The following DUOX2 variants were observed in gnomAD, a reference collection of about 807,000 sequenced individuals.
DUOX2 encodes NADH/NADPH thyroid oxidase p138-tox.
Under a neutral mutation model 183.3 loss-of-function variants are expected in DUOX2, and 185 were observed. The observed-to-expected ratio is 1.01, with a 90% CI of 0.90 to 1.14. DUOX2 has a LOEUF of 1.14. DUOX2 is among the 50% of genes most tolerant of loss of function. DUOX2 has a pLI of 0.00. For missense variants in DUOX2, 1,999 were observed against 2,022.9 expected (o/e 0.99, Z 0.23); for synonymous variants, 788 against 812.4 (o/e 0.97, Z 0.51).
Position 45,108,164 on chromosome 15 carries a change from A to G in DUOX2, c.1457T>C (p.Leu486Pro), listed in dbSNP as rs1365870866. 11 of 1,614,060 alleles carry G rather than the reference A, an allele frequency of 6.8e-6. No individual in the cohort carries two copies. The highest frequency in any genetic ancestry group is 9.3e-6 in the Non-Finnish European group (11 of 1,180,020). Residue 486 changes from leucine (L) to proline (P), a missense_variant, in exon 13 of 34, where the codon CTT becomes CCT. Physicochemically the swap from Leu to Pro is moderately conservative, Grantham distance 98. Coordinates refer to ENST00000389039, the MANE Select transcript of DUOX2 (RefSeq NM_001363711.2). ...CCCATGGCTCTCCAGGAGCCCCCCA[A>G]GGAGCAGCTCTAGCTGGGATAGGTC... Reference protein sequence around the residue: ...NQDLSQLELLLGGLLESHGDP... With the variant: ...NQDLSQLELLPGGLLESHGDP...
In DUOX2 at chr15:45,104,236, T is replaced by A. The variant is rs143972092; in HGVS notation, c.2464A>T (p.Met822Leu). ...AESLGLKPQD[M>L]FVESMFSLAD... The stretch of plus-strand genomic sequence containing the variant: ...AGAGAGAACATGGACTCCACAAACA[T>A]GTCCTGGGGCTTGAGGCCCAGGGAC... Residue 822 changes from methionine to leucine, a missense_variant, in exon 19 of 34, where the codon ATG becomes TTG. Coordinates refer to ENST00000389039, the MANE Select transcript of DUOX2 (RefSeq NM_001363711.2). 8 of 1,614,066 alleles carry A rather than the reference T, an allele frequency of 5.0e-6. No homozygotes were observed. Among genetic ancestry groups the A allele is most frequent in the South Asian group, 2.2e-5 (2 of 91,062 alleles).
chr15:45,108,760 C>T (rs779262960), intron 12 of DUOX2, 29 bp downstream of exon 12: 39 of 1,612,394 alleles, frequency 2.4e-5, no homozygotes, highest in Non-Finnish European at 3.3e-5. Flanking sequence ...AAAGCTTTAG[C>T]TGCCATTATT....
chr15:45,101,770 C>T (rs754420421), intron 21 of DUOX2, 23 bp downstream of exon 21: 42 of 1,614,222 alleles, frequency 2.6e-5, no homozygotes, highest in Non-Finnish European at 3.4e-5. Context: ...CTCCCTGACG[C>T]CAACCATTCC....
chr15:45,109,099 G>A (rs1046444850), intron 11 of DUOX2, 147 bp from the exon 12 acceptor site: 2 of 1,100,752 alleles, frequency 1.8e-6, no homozygotes, highest in East Asian at 2.6e-5. Flanking sequence ...TGCTGACCTT[G>A]CCTTGCTGCA....
Position 45,096,007 on chromosome 15 carries a change from G to T in DUOX2, c.3901C>A (p.Gln1301Lys), listed in dbSNP as rs768210021. The change falls in exon 30 of 34, where the codon CAG (glutamine) becomes AAG (lysine). Residue 1301 changes from glutamine to lysine, a missense_variant. By Grantham distance (53) the Gln-to-Lys change is moderately conservative. This residue lies in a region of DUOX2 where 1,628 missense variants were observed against 1,608.6 expected (regional missense o/e 1.01). Coordinates refer to ENST00000389039, the MANE Select transcript of DUOX2 (RefSeq NM_001363711.2). ...GCCAGGCAGGCGATCCGCACCCACTGTCCTGACTTGTACTCAAAGCCTTGG... is the reference window on the plus strand; with the variant it reads ...GCCAGGCAGGCGATCCGCACCCACTTTCCTGACTTGTACTCAAAGCCTTGG... ...RPQGFEYKSG[Q>K]WVRIACLALG... 8 of 1,614,142 alleles carry T rather than the reference G, an allele frequency of 5.0e-6. No homozygotes were observed. The highest frequency in any genetic ancestry group is 6.8e-6 in the Non-Finnish European group (8 of 1,180,008).
At chr15:45,102,200 A>G (rs1248606770) in intron 20 of DUOX2, among the ~76,000 whole-genome samples, 2 of 152,220 alleles carry the variant, frequency 1.3e-5, no homozygotes, top group Non-Finnish European at 2.9e-5. Context: ...AGTGACCTTG[A>G]CCAATCAGAG....
In DUOX2 at chr15:45,095,893, A is replaced by C. The variant is rs1893887575; in HGVS notation, c.4015T>G (p.Trp1339Gly). Residue 1339 changes from tryptophan to glycine, a missense_variant, in exon 30 of 34, where the codon TGG becomes GGG. This residue lies in a region of DUOX2 where 1,628 missense variants were observed against 1,608.6 expected (regional missense o/e 1.01). Transcript: ENST00000389039. Reference sequence around the variant, plus strand: ...TAGATCTCCCTGAGGCGAGTGGTCCAGGGCCCCACTGCCCGGATGTGCAGG... The same window carrying C: ...TAGATCTCCCTGAGGCGAGTGGTCCCGGGCCCCACTGCCCGGATGTGCAGG... The part of the protein sequence containing the change: ...LSLHIRAVGP[W>G]TTRLREIYSS... 1 of 1,611,848 alleles carries C rather than the reference A, an allele frequency of 6.2e-7. No individual in the cohort carries two copies. Among genetic ancestry groups the C allele is most frequent in the Non-Finnish European group, 8.5e-7 (1 of 1,179,198 alleles).
Position 45,104,304 on chromosome 15 carries a change from C to T in DUOX2, c.2396G>A (p.Arg799Gln), listed in dbSNP as rs762753633. The change falls in exon 19 of 34, where the codon CGG becomes CAG. Residue 799 changes from arginine (R) to glutamine (Q), a missense_variant. Arg to Gln is a conservative substitution (Grantham distance 43). This residue lies in a region of DUOX2 where 1,628 missense variants were observed against 1,608.6 expected (regional missense o/e 1.01). Transcript: ENST00000389039. ...GCTCAGCTCGCAGGTCAGGGCCTCCCGCACCTTCTGGGAGGAGTCCAGGGG... is the reference window on the plus strand; with the variant it reads ...GCTCAGCTCGCAGGTCAGGGCCTCCTGCACCTTCTGGGAGGAGTCCAGGGG... Reference protein sequence around the residue: ...TLPLDSSQKVREALTCELSRA... With the variant: ...TLPLDSSQKVQEALTCELSRA... The T allele has an allele frequency of 2.9e-5, 47 of 1,613,934 alleles. No homozygotes were observed. Among genetic ancestry groups the T allele is most frequent in the South Asian group, 7.7e-5 (7 of 91,064 alleles).
In DUOX2 at chr15:45,100,197, C is replaced by G; in HGVS notation, c.3037G>C (p.Glu1013Gln). The change falls in exon 24 of 34, where the codon GAG (glutamate) becomes CAG (glutamine). Residue 1013 changes from glutamate to glutamine, a missense_variant. Around this residue, in one of 3 missense-constraint regions of DUOX2, gnomAD observed 1,628 missense variants for 1,608.6 expected, o/e 1.01. Coordinates refer to ENST00000389039, the MANE Select transcript of DUOX2 (RefSeq NM_001363711.2). Reference protein sequence around the residue: ...AAVPTPRLYTEALQEKMQRGF... With the variant: ...AAVPTPRLYTQALQEKMQRGF... Reference sequence around the variant, plus strand: ...CGCTGCATCTTCTCTTGCAGCGCCTCTGTGTACAGCCGGGGAGTGGGCACT... The same window carrying G: ...CGCTGCATCTTCTCTTGCAGCGCCTGTGTGTACAGCCGGGGAGTGGGCACT... 1 of 1,614,064 alleles carries G rather than the reference C, an allele frequency of 6.2e-7. No individual in the cohort carries two copies. Among genetic ancestry groups the G allele is most frequent in the Non-Finnish European group, 8.5e-7 (1 of 1,180,020 alleles).
Position 45,097,281 on chromosome 15 carries a change from C to T in DUOX2, c.3804G>A (p.Lys1268=). ...GGDKLVSLSR[K]KVEISVVKAE... Reference sequence around the variant, plus strand: ...CCTTCACCACGCTGATCTCCACCTTCTTCCGGCTCAGGCTCACCAGCTTGT... The same window carrying T: ...CCTTCACCACGCTGATCTCCACCTTTTTCCGGCTCAGGCTCACCAGCTTGT... The change falls in exon 29 of 34, where the codon AAG becomes AAA. Residue 1268 remains lysine (K), a synonymous_variant. Coordinates refer to ENST00000389039, the MANE Select transcript of DUOX2 (RefSeq NM_001363711.2). The T allele has an allele frequency of 6.2e-7, 1 of 1,614,272 alleles. No individual in the cohort carries two copies.
chr15:45,099,831 C>G lies in DUOX2; in HGVS notation c.3246G>C (p.Leu1082=). ...AGACGCTGGCCGCCGTGCCTCGTGA[C>G]AGGATGATGCCCACGAGGGTGGTCT... The part of the protein sequence containing the change: ...IAQTTLVGII[L]SRGTAASVSF... The change falls in exon 25 of 34, where the codon CTG becomes CTC. Residue 1082 remains leucine, a synonymous_variant. Coordinates refer to ENST00000389039, the MANE Select transcript of DUOX2 (RefSeq NM_001363711.2). 1.9e-6 allele frequency: 3 copies of G among 1,614,202 alleles called. No homozygotes were observed. The highest frequency in any genetic ancestry group is 2.5e-6 in the Non-Finnish European group (3 of 1,180,046).
chr15:45,099,727 T>C lies in DUOX2; in HGVS notation c.3350A>G (p.Tyr1117Cys). 2 of 1,614,148 alleles carry C rather than the reference T, an allele frequency of 1.2e-6. No homozygotes were observed. Among genetic ancestry groups the C allele is most frequent in the African/African-American group, 1.3e-5 (1 of 75,016 alleles). Reference protein sequence around the residue: ...TFLRETFLNRYVPFDAAVDFH... With the variant: ...TFLRETFLNRCVPFDAAVDFH... ...GTCCACTGCGGCATCAAAAGGCACA[T>C]AGCGGTTGAGGAAAGTCTCTCGCAG... Residue 1117 changes from tyrosine to cysteine, a missense_variant, in exon 25 of 34, where the codon TAT becomes TGT. Physicochemically the swap from Tyr to Cys is radical, Grantham distance 194 (BLOSUM62 -2). Around this residue, in one of 3 missense-constraint regions of DUOX2, gnomAD observed 1,628 missense variants for 1,608.6 expected, o/e 1.01. Coordinates refer to ENST00000389039, the MANE Select transcript of DUOX2 (RefSeq NM_001363711.2).
At chr15:45,100,325 T>A in intron 23 of DUOX2, 97 bp from the exon 24 acceptor site, 1 of 1,229,754 alleles carries the variant, frequency 8.1e-7, no homozygotes, top group African/African-American at 1.5e-5. Context: ...CTGGCAGGCA[T>A]CAGGATGGGC....
intron 26 of DUOX2, 109 bp from the exon 27 acceptor site, chr15:45,098,167 G>A (rs1893958917): frequency 2.8e-6 from 3 of 1,076,316 alleles, no homozygotes; most frequent in Non-Finnish European, 4.2e-6. Context: ...GAGGGTATGG[G>A]GCCTCCACCC....
chr15:45,111,659 G>A, intron 5 of DUOX2, 74 bp from the exon 6 acceptor site: 1 of 1,445,542 alleles, frequency 6.9e-7, no homozygotes. Flanking sequence ...CCCGGCGGGT[G>A]TCCGCGGCTG....
At position 45,109,545 on chromosome 15, in the gene DUOX2, T is replaced by C; in HGVS notation, c.1213A>G (p.Ile405Val). 6.2e-7 allele frequency: 1 copy of C among 1,614,100 alleles called. No homozygotes were observed. Among genetic ancestry groups the C allele is most frequent in the Non-Finnish European group, 8.5e-7 (1 of 1,180,020 alleles). Residue 405 changes from isoleucine (I) to valine (V), a missense_variant, in exon 11 of 34, where the codon ATA becomes GTA. Physicochemically the swap from Ile to Val is conservative, Grantham distance 29 (BLOSUM62 3). Around this residue, in one of 3 missense-constraint regions of DUOX2, gnomAD observed 1,628 missense variants for 1,608.6 expected, o/e 1.01. Coordinates refer to ENST00000389039, the MANE Select transcript of DUOX2 (RefSeq NM_001363711.2). ...ASQISELEDN[I>V]VVEDLRDYWP... is the part of the protein sequence containing the mutation. ...TCACCCCTCAGATCTTCAACCACTA[T>C]GTTGTCCTCCAACTCCGAAATCTGG...
chr15:45,097,326 C>T lies in DUOX2; in HGVS notation c.3759G>A (p.Pro1253=), dbSNP rs140663764. ...GCTTGTCACCTCCATAGATGATTGC[C>T]GGGACCAGGAAGTAGATGTGGAAAG... ...LPTFHIYFLV[P]AIIYGGDKLV... is the part of the protein sequence containing the mutation. The change falls in exon 29 of 34, where the codon CCG becomes CCA. Residue 1253 remains proline, a synonymous_variant. Transcript: ENST00000389039. 6,486 of 1,614,244 alleles carry T rather than the reference C, an allele frequency of 4.0e-3. 56 individuals are homozygous for T. The highest frequency in any genetic ancestry group is 0.028 in the Middle Eastern group (169 of 6,062).
At chr15:45,107,197 T>G in intron 14 of DUOX2, 148 bp downstream of exon 14, 1 of 1,231,574 alleles carries the variant, frequency 8.1e-7, no homozygotes. Flanking sequence ...TTGAGGTCCC[T>G]GCTGTGGGAG....
chr15:45,108,074 C>G lies in DUOX2; in HGVS notation c.1547G>C (p.Arg516Pro), dbSNP rs143818717. The change falls in exon 13 of 34, where the codon CGC becomes CCC. Residue 516 changes from arginine to proline, a missense_variant. Transcript: ENST00000389039. Reference protein sequence around the residue: ...DQFVRLRDGDRYWFENTRNGL... With the variant: ...DQFVRLRDGDPYWFENTRNGL... Reference sequence around the variant, plus strand: ...ATTCCTGGTGTTCTCAAACCAGTAGCGGTCACCATCCCGCAGCCGTACAAA... The same window carrying G: ...ATTCCTGGTGTTCTCAAACCAGTAGGGGTCACCATCCCGCAGCCGTACAAA... 1 of 1,613,962 alleles carries G rather than the reference C, an allele frequency of 6.2e-7. No individual in the cohort carries two copies. Among genetic ancestry groups the G allele is most frequent in the Non-Finnish European group, 8.5e-7 (1 of 1,179,976 alleles).
Sources: allele counts gnomAD v4.1 joint callset (sites outside exome capture counted in the v4.1 genomes callset), GRCh38; gene constraint gnomAD v4.1.1; regional missense constraint gnomAD v4.1.1; transcripts MANE v1.5; gene names NCBI Gene and HGNC (gene_info 2026-07-23, HGNC 2026-07-21).